Variants in ATRN observed in about 807,000 individuals in gnomAD.
ATRN encodes attractin-2.
Under a neutral mutation model 178.7 loss-of-function variants are expected in ATRN, and 54 were observed. The ratio of observed to expected loss-of-function variants is 0.30; its 90% CI spans 0.24 to 0.38. The LOEUF (loss-of-function observed/expected upper bound fraction) is 0.38, where lower values mean the gene tolerates loss of function less well. Among genes scored for constraint, ATRN ranks in the 10% least tolerant of loss-of-function variants. The pLI is 1.00. For synonymous variants in ATRN, 636 were observed against 663.0 expected, an observed-to-expected ratio of 0.96 and a Z score of 0.63; for missense variants, 1,443 against 1,815.1, an observed-to-expected ratio of 0.79 and a Z score of 3.73.
intron 8 of ATRN, 115 bp downstream of exon 8, chr20:3,561,020 G>T: frequency 7.4e-7 from 1 of 1,348,100 alleles, no homozygotes; most frequent in Non-Finnish European, 1.0e-6. Context: ...ACTTTATCTT[G>T]AAACATAGTA....
chr20:3,493,323 ATTT>A (rs140855155), intron 1 of ATRN, among the ~76,000 whole-genome samples: 3 of 139,796 alleles, frequency 2.1e-5, no homozygotes, highest in Non-Finnish European at 1.6e-5. Context: ...ACCTGGCTAA[ATTT>A]TTTTTTTTTT....
chr20:3,562,361 C>T lies in ATRN; in HGVS notation c.1533C>T (p.Thr511=). The T allele has an allele frequency of 2.5e-6, 4 of 1,614,072 alleles. No individual in the cohort carries two copies. The Admixed American group carries it at 5.0e-5, about 20-fold the overall frequency. ...ATAGCAGTGTTTACGACCATAGGACCAGGGCCCTATACGTTCATGGTGGCT... is the reference window on the plus strand; with the variant it reads ...ATAGCAGTGTTTACGACCATAGGACTAGGGCCCTATACGTTCATGGTGGCT... ...YGHSSVYDHR[T]RALYVHGGYK... Residue 511 remains threonine (T), a synonymous_variant, in exon 9 of 29, where the codon ACC becomes ACT. Coordinates refer to ENST00000262919, the MANE Select transcript of ATRN (RefSeq NM_139321.3).
intron 1 of ATRN, among the ~76,000 whole-genome samples, chr20:3,514,529 T>G (rs2146134852): frequency 6.6e-6 from 1 of 152,246 alleles, no homozygotes; most frequent in East Asian, 1.9e-4. Flanking sequence ...TTGAGAAATT[T>G]AAGGTTGATT....
chr20:3,615,633 G>A (rs1013893605), intron 24 of ATRN, among the ~76,000 whole-genome samples: 4 of 140,266 alleles, frequency 2.9e-5, no homozygotes, highest in African/African-American at 1.1e-4. Flanking sequence ...TTGGCTCGCT[G>A]CAACATCTGC....
chr20:3,488,277 C>A (rs535539494), intron 1 of ATRN, among the ~76,000 whole-genome samples: 51 of 152,026 alleles, frequency 3.4e-4, no homozygotes, highest in African/African-American at 1.2e-3. Context: ...ATTCCAAGAT[C>A]GTGGAGATAT....
At chr20:3,546,760 T>C (rs1242871641) in intron 4 of ATRN, among the ~76,000 whole-genome samples, 2 of 152,164 alleles carry the variant, frequency 1.3e-5, no homozygotes, top group Non-Finnish European at 2.9e-5. Flanking sequence ...ATAAAATTAC[T>C]AAGGAATTTT....
chr20:3,578,887 G>A, intron 15 of ATRN, 115 bp downstream of exon 15: 1 of 1,008,040 alleles, frequency 9.9e-7, no homozygotes, highest in Admixed American at 2.8e-5. Context: ...GGCAAGAAGG[G>A]GAGTGCTGGT....
chr20:3,546,600 C>G (rs2085706403), intron 4 of ATRN, among the ~76,000 whole-genome samples: 1 of 151,954 alleles, frequency 6.6e-6, no homozygotes, highest in African/African-American at 2.4e-5. Context: ...ACCATGTTGG[C>G]CAGGCTGGTC....
intron 1 of ATRN, among the ~76,000 whole-genome samples, chr20:3,526,831 A>G (rs771437561): frequency 7.9e-5 from 12 of 152,240 alleles, no homozygotes; most frequent in Non-Finnish European, 1.8e-4. Context: ...CAATGGGGAA[A>G]GGATTCCCTA....
At chr20:3,641,219 T>G (rs1394097995) in intron 27 of ATRN, among the ~76,000 whole-genome samples, 1 of 152,200 alleles carries the variant, frequency 6.6e-6, no homozygotes, top group Admixed American at 6.5e-5. Context: ...GTGAATATAC[T>G]TAATACCACT....
chr20:3,472,011 G>T (rs1411134408), intron 1 of ATRN, among the ~76,000 whole-genome samples: 1 of 151,972 alleles, frequency 6.6e-6, no homozygotes, highest in Non-Finnish European at 1.5e-5. Flanking sequence ...AAAGGGAAAG[G>T]GTAGCATTGT....
rs1555821634 is a variant in ATRN at position 3,589,092 on chromosome 20, C to T, written c.3185-2077C>T. The stretch of plus-strand genomic sequence containing the variant: ...CCGCCTCCAGGGTTCAAGTGATTCT[C>T]CTGCCTCAGCCCCCCAAGTAGCTGG... On this transcript the variant is annotated intron_variant, in intron 18 of 28. Coordinates refer to ENST00000262919, the MANE Select transcript of ATRN (RefSeq NM_139321.3). 2.8e-5 allele frequency among the ~76,000 whole-genome samples: 4 copies of T among 143,402 alleles called. No homozygotes were observed. In the Admixed American group the frequency reaches 3.0e-4, roughly 11 times the overall value. 94.1% of individuals were successfully genotyped at this position (143,402 alleles called of 152,430 possible). A position where few individuals can be genotyped will look rare whatever the true frequency, so the allele number is the denominator to read the frequency against.
chr20:3,644,161 C>T lies in ATRN; in HGVS notation c.4058C>T (p.Pro1353Leu). 6.2e-7 allele frequency: 1 copy of T among 1,613,568 alleles called. No individual in the cohort carries two copies. The highest frequency in any genetic ancestry group is 8.5e-7 in the Non-Finnish European group (1 of 1,179,512). ...DLIGGSIKTV[P>L]KPIALEPCFG... ...TTTGTTTTCTTCTGCCAGACTGTTCCCAAACCCATTGCACTGGAGCCGTGT... is the reference window on the plus strand; with the variant it reads ...TTTGTTTTCTTCTGCCAGACTGTTCTCAAACCCATTGCACTGGAGCCGTGT... Residue 1353 changes from proline to leucine, a missense_variant, in exon 28 of 29, where the codon CCC becomes CTC. Transcript: ENST00000262919.
chr20:3,649,060 G>A lies in ATRN; in HGVS notation c.*2213G>A, dbSNP rs896031563. Reference sequence around the variant, plus strand: ...TTTTTAAAAAGGAAGGAAGGAGCAAGTGAAGTTTCATTCTGCTCCAGCGGT... The same window carrying A: ...TTTTTAAAAAGGAAGGAAGGAGCAAATGAAGTTTCATTCTGCTCCAGCGGT... On this transcript the variant is annotated 3_prime_UTR_variant, in exon 29 of 29. Coordinates refer to ENST00000262919, the MANE Select transcript of ATRN (RefSeq NM_139321.3). 2 of 152,236 alleles carry A rather than the reference G, an allele frequency of 1.3e-5. No homozygotes were observed. Among genetic ancestry groups the A allele is most frequent in the African/African-American group, 2.4e-5 (1 of 41,460 alleles). 9.4% of individuals were successfully genotyped at this position (152,236 alleles called of 1,614,324 possible). A position where few individuals can be genotyped will look rare whatever the true frequency, so the allele number is the denominator to read the frequency against.
chr20:3,584,824 A>G lies in ATRN; in HGVS notation c.3128A>G (p.Asn1043Ser). 6.2e-7 allele frequency: 1 copy of G among 1,614,202 alleles called. No homozygotes were observed. The highest frequency in any genetic ancestry group is 1.3e-5 in the African/African-American group (1 of 75,058). Reference sequence around the variant, plus strand: ...AATTTCTATCCACAGCCCCTGCTCAATTCCAGCATGTGTCTAGAGGACAGC... The same window carrying G: ...AATTTCTATCCACAGCCCCTGCTCAGTTCCAGCATGTGTCTAGAGGACAGC... ...TGNFYPQPLL[N>S]SSMCLEDSRY... The change falls in exon 18 of 29, where the codon AAT becomes AGT. Residue 1043 changes from asparagine to serine, a missense_variant. Physicochemically the swap from Asn to Ser is conservative, Grantham distance 46 (BLOSUM62 1). Coordinates refer to ENST00000262919, the MANE Select transcript of ATRN (RefSeq NM_139321.3).
chr20:3,614,198 G>C (rs958735855), intron 24 of ATRN, among the ~76,000 whole-genome samples: 2 of 152,194 alleles, frequency 1.3e-5, no homozygotes, highest in African/African-American at 2.4e-5. Context: ...CTGTGGGTGA[G>C]CACCCTTCCC....
At chr20:3,605,993 T>C (rs1050866455) in intron 24 of ATRN, among the ~76,000 whole-genome samples, 2 of 152,230 alleles carry the variant, frequency 1.3e-5, no homozygotes, top group African/African-American at 4.8e-5. Flanking sequence ...CTTTCCATTC[T>C]GGAAATATGG....
intron 1 of ATRN, among the ~76,000 whole-genome samples, chr20:3,510,491 A>G (rs1237361854): frequency 2.0e-5 from 3 of 152,220 alleles, no homozygotes. Flanking sequence ...TCCCTGATTT[A>G]GAATATTTGT....
chr20:3,489,950 C>T, intron 1 of ATRN: 1 of 1,038,324 alleles, frequency 9.6e-7, no homozygotes, highest in Non-Finnish European at 1.5e-6. Context: ...TACTGATCTG[C>T]TCTTCTTGCT....
Sources: allele counts gnomAD v4.1 joint callset (sites outside exome capture counted in the v4.1 genomes callset), GRCh38; gene constraint gnomAD v4.1.1; transcripts MANE v1.5; gene names NCBI Gene and HGNC (gene_info 2026-07-23, HGNC 2026-07-21).